Variants in FGF14 observed in about 807,000 individuals in gnomAD.
FGF14 encodes the protein fibroblast growth factor 14.
In FGF14, 5 loss-of-function variants were observed where a neutral mutation model predicts 25.5. That is an observed-to-expected ratio of 0.20 (90% CI 0.10 to 0.41). FGF14 has a LOEUF of 0.41. Ranked by LOEUF, FGF14 falls within the 10% of genes least tolerant of loss-of-function variation. The pLI, the probability that FGF14 is intolerant of heterozygous loss-of-function variation, is 1.00. For missense variants in FGF14, 222 were observed against 320.1 expected (o/e 0.69, Z 2.34); for synonymous variants, 138 against 118.3 (o/e 1.17, Z -1.08).
At position 101,734,683 on chromosome 13, in the gene FGF14, A is replaced by G. The variant is rs539591807; in HGVS notation, c.409-7873T>C. 3.3e-5 allele frequency among the ~76,000 whole-genome samples: 5 copies of G among 152,276 alleles called. 1 individual carries two copies. Among genetic ancestry groups the G allele is most frequent in the African/African-American group, 9.6e-5 (4 of 41,552 alleles). On this transcript the variant is annotated intron_variant, in intron 3 of 4. Coordinates refer to ENST00000376143, the MANE Select transcript of FGF14 (RefSeq NM_004115.4). ...TAATTAACACCTTATGCATATTTCTATGTTGAGCACTGCTCTACACACTAC... is the reference window on the plus strand; with the variant it reads ...TAATTAACACCTTATGCATATTTCTGTGTTGAGCACTGCTCTACACACTAC...
intron 1 of FGF14, among the ~76,000 whole-genome samples, chr13:102,092,717 A>T (rs1159659662): frequency 1.3e-5 from 2 of 152,222 alleles, no homozygotes; most frequent in Non-Finnish European, 2.9e-5. Flanking sequence ...GCATAATCAT[A>T]TTATAATACA....
chr13:101,876,446 AT>A (rs1398207528), intron 1 of FGF14, among the ~76,000 whole-genome samples: 2 of 152,122 alleles, frequency 1.3e-5, no homozygotes, highest in African/African-American at 4.8e-5. Context: ...AGACAAAAAA[AT>A]TTTTTTGAGA....
At chr13:102,188,815 G>T (rs938530905) in intron 1 of FGF14, among the ~76,000 whole-genome samples, 4 of 151,540 alleles carry the variant, frequency 2.6e-5, no homozygotes, top group Non-Finnish European at 4.4e-5. Flanking sequence ...GTGGCACATG[G>T]CTGTAATCCC....
intron 1 of FGF14, among the ~76,000 whole-genome samples, chr13:102,384,538 A>G (rs1010217360): frequency 3.9e-5 from 6 of 152,104 alleles, no homozygotes; most frequent in African/African-American, 1.4e-4. Context: ...CTAATCCTCA[A>G]TCATTCTTTG....
chr13:101,944,702 C>A (rs938408044), intron 1 of FGF14, among the ~76,000 whole-genome samples: 1 of 152,058 alleles, frequency 6.6e-6, no homozygotes, highest in African/African-American at 2.4e-5. Context: ...TATTACTCAG[C>A]CCTAGAAAGA....
chr13:101,873,522 C>A (rs969396633), intron 2 of FGF14, among the ~76,000 whole-genome samples: 6 of 151,968 alleles, frequency 3.9e-5, no homozygotes, highest in Non-Finnish European at 8.8e-5. Context: ...TCTAATCCTC[C>A]CAGGCCAAAC....
intron 1 of FGF14, among the ~76,000 whole-genome samples, chr13:102,102,595 G>T (rs2044713383): frequency 6.6e-6 from 1 of 152,150 alleles, no homozygotes; most frequent in Admixed American, 6.6e-5. Context: ...AGACTCCATG[G>T]TGCCCTGCCC....
intron 1 of FGF14, among the ~76,000 whole-genome samples, chr13:102,161,668 A>AT (rs1491195968): frequency 0.086 from 4,042 of 47,190 alleles, 376 homozygotes; most frequent in Middle Eastern, 0.18. Context: ...GAAGAAGAAG[A>AT]AGAAGAAGAA....
chr13:102,007,499 G>C (rs982613184), intron 1 of FGF14, among the ~76,000 whole-genome samples: 1 of 152,188 alleles, frequency 6.6e-6, no homozygotes, highest in East Asian at 1.9e-4. Context: ...CACGTCTCTA[G>C]ACTCCTAGTT....
chr13:102,210,684 T>C (rs1319381976), intron 1 of FGF14, among the ~76,000 whole-genome samples: 3 of 152,158 alleles, frequency 2.0e-5, no homozygotes, highest in African/African-American at 7.2e-5. Context: ...ACCTTAGGAC[T>C]ACCAACAGAA....
chr13:102,087,580 T>C (rs2043978052), intron 1 of FGF14, among the ~76,000 whole-genome samples: 1 of 68,910 alleles, frequency 1.5e-5, no homozygotes. Flanking sequence ...CCTGGCTTTT[T>C]TTTTTTTTTT....
At chr13:101,845,484 A>G (rs1008911552) in intron 3 of FGF14, among the ~76,000 whole-genome samples, 1 of 151,996 alleles carries the variant, frequency 6.6e-6, no homozygotes, top group African/African-American at 2.4e-5. Context: ...GAAAATACCC[A>G]ATGGCAGAAA....
At chr13:102,143,370 T>C (rs2046726260) in intron 1 of FGF14, among the ~76,000 whole-genome samples, 1 of 152,182 alleles carries the variant, frequency 6.6e-6, no homozygotes. Context: ...TGTTTATGCA[T>C]GCTATGTGCT....
chr13:101,930,307 T>C (rs1369492936), intron 1 of FGF14, among the ~76,000 whole-genome samples: 1 of 152,208 alleles, frequency 6.6e-6, no homozygotes, highest in African/African-American at 2.4e-5. Context: ...TGAGAGTATT[T>C]ACAAGGTCTT....
At position 101,821,015 on chromosome 13, in the gene FGF14, TC is replaced by T. The variant is rs1464807363; in HGVS notation, c.408+47709del. The stretch of plus-strand genomic sequence containing the variant: ...CAGGCTGGAGTGCAGTGGCATGATC[TC>T]GGCTCACTGCAGGCTCCGCCCCCCG... On this transcript the variant is annotated intron_variant, in intron 3 of 4. Transcript: ENST00000376143. Among the ~76,000 whole-genome samples, 4 of 148,350 alleles carry T rather than the reference TC, an allele frequency of 2.7e-5. No individual in the cohort carries two copies. In the East Asian group the frequency reaches 8.1e-4, roughly 30 times the overall value.
chr13:102,314,413 C>T (rs1485526829), intron 1 of FGF14, among the ~76,000 whole-genome samples: 3 of 152,098 alleles, frequency 2.0e-5, no homozygotes, highest in Non-Finnish European at 4.4e-5. Flanking sequence ...ATACATATTT[C>T]CTGAACTGAA....
At chr13:101,744,781 T>G (rs1012590597) in intron 3 of FGF14, among the ~76,000 whole-genome samples, 15 of 152,092 alleles carry the variant, frequency 9.9e-5, no homozygotes, top group African/African-American at 3.1e-4. Flanking sequence ...AATAGTTTAT[T>G]TCATTTTACT....
At chr13:102,018,379 G>T (rs1239635524) in intron 1 of FGF14, among the ~76,000 whole-genome samples, 4 of 152,186 alleles carry the variant, frequency 2.6e-5, no homozygotes, top group South Asian at 4.1e-4. Context: ...AGTCAGGGAG[G>T]TAGCTTTACC....
chr13:101,995,108 CAT>C (rs2039111384), intron 1 of FGF14, among the ~76,000 whole-genome samples: 1 of 152,016 alleles, frequency 6.6e-6, no homozygotes, highest in African/African-American at 2.4e-5. Flanking sequence ...GTTAAAGTAT[CAT>C]AATGTCTGTT....
Sources: gnomAD v4.1 joint callset for allele counts (sites outside exome capture counted in the v4.1 genomes callset) on GRCh38, gnomAD v4.1.1 for gene constraint, MANE v1.5 for transcripts, NCBI Gene and HGNC (gene_info 2026-07-23, HGNC 2026-07-21) for gene names.